RNF130: variants seen among roughly 807,000 people sequenced by gnomAD.
RNF130 encodes the protein ring finger protein 130.
RNF130 carries 21 observed loss-of-function variants against 44.6 expected under a neutral mutation model. The observed-to-expected ratio is 0.47, with a 90% CI of 0.33 to 0.68. The LOEUF is 0.68. Ranked by LOEUF, RNF130 falls within the 30% of genes least tolerant of loss-of-function variation. The probability of loss-of-function intolerance (pLI) is 0.02; values close to 1 mark genes in which losing one functional copy is unlikely to be tolerated. For synonymous variants in RNF130, 214 were observed against 210.4 expected (o/e 1.02, Z -0.15); for missense variants, 479 against 560.6 (o/e 0.85, Z 1.47).
At chr5:180,062,246 G>C (rs753996699) in intron 1 of RNF130, among the ~76,000 whole-genome samples, 4 of 151,940 alleles carry the variant, frequency 2.6e-5, no homozygotes, top group African/African-American at 4.8e-5. Flanking sequence ...TTTTTTAGTA[G>C]AGATGGGGTT....
chr5:179,942,976 C>G (rs1267096774), intron 7 of RNF130, among the ~76,000 whole-genome samples: 4 of 152,142 alleles, frequency 2.6e-5, no homozygotes, highest in Non-Finnish European at 4.4e-5. Flanking sequence ...GAGGGTGGAT[C>G]ATGAGGTCAA....
At chr5:179,989,656 T>C (rs1468358596) in intron 3 of RNF130, among the ~76,000 whole-genome samples, 1 of 152,216 alleles carries the variant, frequency 6.6e-6, no homozygotes, top group East Asian at 1.9e-4. Flanking sequence ...CACACAGTTG[T>C]GTCATTTAAA....
intron 6 of RNF130, among the ~76,000 whole-genome samples, chr5:179,968,772 T>G (rs1159596623): frequency 6.6e-6 from 1 of 152,024 alleles, no homozygotes; most frequent in Admixed American, 6.6e-5. Context: ...GTTTGCTCCC[T>G]GGGGGACATC....
exon 8 of RNF130, chr5:179,914,375 C>T (rs147367999): frequency 6.6e-6 from 1 of 152,380 alleles, no homozygotes; most frequent in Non-Finnish European, 1.5e-5. Flanking sequence ...GAAGTGAGAG[C>T]TAGTTGGACA....
At chr5:179,976,344 G>A (rs1026254386) in intron 5 of RNF130, among the ~76,000 whole-genome samples, 2 of 152,172 alleles carry the variant, frequency 1.3e-5, no homozygotes, top group African/African-American at 4.8e-5. Context: ...CGTAGTTTTA[G>A]GTGCCATATG....
chr5:179,962,321 ATGCCACTGCAAG>A (rs1762350900), intron 8 of RNF130, among the ~76,000 whole-genome samples: 1 of 152,190 alleles, frequency 6.6e-6, no homozygotes, highest in African/African-American at 2.4e-5. Flanking sequence ...TGAATAACAC[ATGCCACTGCAAG>A]TGGAGGCCAC....
intron 1 of RNF130, among the ~76,000 whole-genome samples, chr5:180,061,996 ACTT>A (rs1045709182): frequency 2.6e-5 from 4 of 150,966 alleles, no homozygotes; most frequent in African/African-American, 7.3e-5. Flanking sequence ...ATCAATGGAG[ACTT>A]CTTTGTGTCC....
At chr5:180,033,396 A>G (rs1764176798) in intron 2 of RNF130, among the ~76,000 whole-genome samples, 2 of 152,142 alleles carry the variant, frequency 1.3e-5, no homozygotes, top group South Asian at 4.1e-4. Flanking sequence ...TCTTAATTTC[A>G]TTTTTGGAAC....
rs1393522854 is a variant in RNF130 at position 179,998,877 on chromosome 5, ATATATATGTTT to A, written c.693+14173_693+14183del. Among the ~76,000 whole-genome samples the A allele has an allele frequency of 2.8e-4, 36 of 129,330 alleles. 2 individuals are homozygous for A. The highest frequency in any genetic ancestry group is 4.5e-4 in the Non-Finnish European group (27 of 59,804). The allele number at this position is 129,330 out of a possible 152,430, so 84.8% of individuals were successfully genotyped here. On this transcript the variant is annotated intron_variant, in intron 3 of 8. Transcript: ENST00000521389. ...GTATTTTTTATATATATATATATAT[ATATATATGTTT>A]TATATATCTGAGTGCTCCAGTGTTG...
At chr5:180,034,702 G>A (rs1764208830) in intron 2 of RNF130, among the ~76,000 whole-genome samples, 1 of 152,160 alleles carries the variant, frequency 6.6e-6, no homozygotes, top group South Asian at 2.1e-4. Context: ...GGTGGCATCT[G>A]GGAACATGGG....
chr5:180,027,420 T>C (rs1024441864), intron 2 of RNF130, among the ~76,000 whole-genome samples: 1 of 152,166 alleles, frequency 6.6e-6, no homozygotes, highest in African/African-American at 2.4e-5. Flanking sequence ...CAGAGAGTTA[T>C]GGCATACGAA....
intron 1 of RNF130, among the ~76,000 whole-genome samples, chr5:180,064,047 A>T (rs993259020): frequency 1.3e-5 from 2 of 152,224 alleles, no homozygotes; most frequent in Non-Finnish European, 2.9e-5. Flanking sequence ...GAAGGAGGGA[A>T]GTGCCAGAGA....
chr5:180,066,757 C>T (rs547700870), intron 1 of RNF130, among the ~76,000 whole-genome samples: 5 of 152,054 alleles, frequency 3.3e-5, no homozygotes, highest in Non-Finnish European at 4.4e-5. Flanking sequence ...AGGCGGAACC[C>T]GGGAGGTGGA....
intron 7 of RNF130, among the ~76,000 whole-genome samples, chr5:179,931,556 G>A (rs1018077073): frequency 1.3e-5 from 2 of 151,984 alleles, no homozygotes; most frequent in African/African-American, 4.8e-5. Flanking sequence ...ATCACCTGAG[G>A]TCAGGAGTTC....
intron 1 of RNF130, among the ~76,000 whole-genome samples, chr5:180,069,221 G>A (rs578011636): frequency 5.3e-5 from 8 of 152,294 alleles, no homozygotes; most frequent in African/African-American, 1.9e-4. Flanking sequence ...CCCAGCAGAA[G>A]CTATGCTTCA....
At chr5:180,014,734 C>G (rs931896573) in intron 2 of RNF130, among the ~76,000 whole-genome samples, 1 of 152,154 alleles carries the variant, frequency 6.6e-6, no homozygotes, top group Non-Finnish European at 1.5e-5. Context: ...GCCTATAATC[C>G]CAGCACTTTG....
downstream of RNF130, among the ~76,000 whole-genome samples, chr5:179,953,047 A>G (rs1290003556): frequency 2.0e-5 from 3 of 152,234 alleles, no homozygotes; most frequent in East Asian, 5.8e-4. Context: ...GAAAGGAAGA[A>G]GAAAAATGAT....
chr5:180,060,626 T>G (rs1259847127), intron 1 of RNF130, among the ~76,000 whole-genome samples: 2 of 152,122 alleles, frequency 1.3e-5, no homozygotes, highest in Admixed American at 6.6e-5. Context: ...ATTCTTAACT[T>G]GGGGCTTCAA....
At chr5:179,978,393 T>C (rs1308736499) in intron 4 of RNF130, 108 bp from the exon 5 acceptor site, 2 of 730,720 alleles carry the variant, frequency 2.7e-6, no homozygotes. Flanking sequence ...AAGCAAGTGT[T>C]ATAAACTGAA....
Sources: gnomAD v4.1 joint callset for allele counts (sites outside exome capture counted in the v4.1 genomes callset) on GRCh38, gnomAD v4.1.1 for gene constraint, MANE v1.5 for transcripts, NCBI Gene and HGNC (gene_info 2026-07-23, HGNC 2026-07-21) for gene names.